Variants in CNTNAP5 observed in about 807,000 individuals in gnomAD.
The protein encoded by CNTNAP5 is contactin associated protein family member 5.
In CNTNAP5, 72 loss-of-function variants were observed where a neutral mutation model predicts 150.2. The ratio of observed to expected loss-of-function variants is 0.48; its 90% confidence interval spans 0.40 to 0.58. The LOEUF (loss-of-function observed/expected upper bound fraction) is 0.58. Among genes scored for constraint, CNTNAP5 ranks in the 20% least tolerant of loss-of-function variants. CNTNAP5 has a pLI of 0.00. For synonymous variants in CNTNAP5, 672 were observed against 619.8 expected, an observed-to-expected ratio of 1.08 and a Z score of -1.25; for missense variants, 1,636 against 1,626.2, an observed-to-expected ratio of 1.01 and a Z score of -0.10.
At chr2:124,472,940 G>A (rs965047384) in intron 6 of CNTNAP5, among the ~76,000 whole-genome samples, 3 of 151,830 alleles carry the variant, frequency 2.0e-5, no homozygotes, top group African/African-American at 7.2e-5. Context: ...ACAAAGCGAA[G>A]TACAATAAAA....
chr2:124,070,204 CAAG>C (rs1682266247), intron 1 of CNTNAP5, among the ~76,000 whole-genome samples: 3 of 151,112 alleles, frequency 2.0e-5, no homozygotes, highest in Admixed American at 2.0e-4. Context: ...ATATAAAAAG[CAAG>C]AAATTATACC....
At chr2:124,658,101 AG>A (rs1240359851) in intron 13 of CNTNAP5, among the ~76,000 whole-genome samples, 6 of 152,186 alleles carry the variant, frequency 3.9e-5, no homozygotes, top group Non-Finnish European at 1.5e-5. Context: ...GAATGAATAA[AG>A]GGTCTCTTCT....
At chr2:124,329,903 A>C (rs1689307013) in intron 3 of CNTNAP5, among the ~76,000 whole-genome samples, 1 of 152,310 alleles carries the variant, frequency 6.6e-6, no homozygotes, top group East Asian at 1.9e-4. Context: ...GAAGGCAGTC[A>C]GTTGAGAAGA....
In CNTNAP5 at chr2:124,790,092, C is replaced by T; in HGVS notation, c.2943C>T (p.Tyr981=). The stretch of plus-strand genomic sequence containing the variant: ...AGTGTGTGGAGAAGCACAATGGCTA[C>T]CTGTGTGATTGCACCAATTCACCTT... ...GGKCVEKHNG[Y]LCDCTNSPYE... The change falls in exon 18 of 24, where the codon TAC becomes TAT. Residue 981 remains tyrosine, a synonymous_variant. Transcript: ENST00000682447. 1 of 1,613,904 alleles carries T rather than the reference C, an allele frequency of 6.2e-7. No individual in the cohort carries two copies. The highest frequency in any genetic ancestry group is 1.7e-4 in the Middle Eastern group (1 of 6,060).
chr2:124,589,104 GGCTGTGCAA>G (rs1194502777), intron 11 of CNTNAP5, among the ~76,000 whole-genome samples: 2 of 152,058 alleles, frequency 1.3e-5, no homozygotes, highest in Non-Finnish European at 2.9e-5. Flanking sequence ...ATACTCACCT[GGCTGTGCAA>G]GCCTTCTTCA....
intron 1 of CNTNAP5, among the ~76,000 whole-genome samples, chr2:124,087,976 G>T (rs1019305209): frequency 6.6e-6 from 1 of 152,056 alleles, no homozygotes; most frequent in African/African-American, 2.4e-5. Context: ...CCTTGAATCT[G>T]CAGGTTTATG....
chr2:124,607,111 A>G (rs918167241), intron 11 of CNTNAP5, among the ~76,000 whole-genome samples: 2 of 152,186 alleles, frequency 1.3e-5, no homozygotes, highest in Non-Finnish European at 2.9e-5. Flanking sequence ...TTATACTTCG[A>G]GAGTTGATTA....
intron 13 of CNTNAP5, among the ~76,000 whole-genome samples, chr2:124,675,104 T>C (rs570995181): frequency 2.6e-5 from 4 of 152,288 alleles, no homozygotes; most frequent in African/African-American, 9.6e-5. Context: ...TTTTTGTGCA[T>C]ATGTCTCATT....
chr2:124,139,829 C>G (rs974955626), intron 1 of CNTNAP5, among the ~76,000 whole-genome samples: 1 of 152,164 alleles, frequency 6.6e-6, no homozygotes, highest in Non-Finnish European at 1.5e-5. Flanking sequence ...CAGCTCCCAG[C>G]GTGAGCGACG....
At chr2:124,192,067 C>G (rs1685471537) in intron 1 of CNTNAP5, among the ~76,000 whole-genome samples, 1 of 152,264 alleles carries the variant, frequency 6.6e-6, no homozygotes, top group Admixed American at 6.5e-5. Flanking sequence ...AAAATTAACT[C>G]TATTGCTTAA....
chr2:124,634,705 T>C (rs967388531), intron 12 of CNTNAP5, among the ~76,000 whole-genome samples: 2 of 152,068 alleles, frequency 1.3e-5, no homozygotes, highest in Admixed American at 1.3e-4. Context: ...AGTTTCACCA[T>C]GTTGCTCAGG....
chr2:124,171,551 T>C (rs1419533568), intron 1 of CNTNAP5, among the ~76,000 whole-genome samples: 3 of 152,152 alleles, frequency 2.0e-5, no homozygotes, highest in African/African-American at 2.4e-5. Context: ...CGAGCTGAAG[T>C]CCTTGGCGGC....
chr2:124,439,185 T>C (rs1180807790), intron 5 of CNTNAP5, among the ~76,000 whole-genome samples: 1 of 152,114 alleles, frequency 6.6e-6, no homozygotes. Context: ...GATTTTATTA[T>C]GGAGAGGGGA....
At chr2:124,348,777 C>A (rs1423381818) in intron 3 of CNTNAP5, among the ~76,000 whole-genome samples, 2 of 151,920 alleles carry the variant, frequency 1.3e-5, no homozygotes, top group Non-Finnish European at 2.9e-5. Context: ...TATTTTATGT[C>A]TCCCCAAATT....
intron 5 of CNTNAP5, 119 bp downstream of exon 5, chr2:124,434,806 T>C (rs1305635004): frequency 5.0e-6 from 4 of 807,352 alleles, no homozygotes; most frequent in Non-Finnish European, 7.9e-6. Flanking sequence ...ATATAAGTGA[T>C]ATTGGTGGGG....
At position 124,691,496 on chromosome 2, in the gene CNTNAP5, T is replaced by C. The variant is rs191954995; in HGVS notation, c.2077+43538T>C. ...TGGTCACAGGACAATGTTGGCTTTC[T>C]GAGGACTTCATTTCATTTAGGGATA... On this transcript the variant is annotated intron_variant, in intron 13 of 23. Transcript: ENST00000682447. Among the ~76,000 whole-genome samples the C allele has an allele frequency of 1.1e-3, 175 of 152,252 alleles. 1 individual carries two copies. The highest frequency in any genetic ancestry group is 3.4e-3 in the Middle Eastern group (1 of 294).
chr2:124,067,564 T>C (rs1682192540), intron 1 of CNTNAP5, among the ~76,000 whole-genome samples: 1 of 152,244 alleles, frequency 6.6e-6, no homozygotes, highest in East Asian at 1.9e-4. Context: ...CAATCGCATC[T>C]GCAAAGGTCC....
At chr2:124,183,534 G>C (rs1685257324) in intron 1 of CNTNAP5, among the ~76,000 whole-genome samples, 4 of 152,160 alleles carry the variant, frequency 2.6e-5, no homozygotes, top group African/African-American at 7.2e-5. Context: ...AGGTTGAATA[G>C]CTTCCTTTCA....
intron 3 of CNTNAP5, among the ~76,000 whole-genome samples, chr2:124,414,528 A>G (rs557297170): frequency 6.6e-6 from 1 of 152,242 alleles, no homozygotes; most frequent in African/African-American, 2.4e-5. Flanking sequence ...TAGGACTTTG[A>G]GACTGTGAGA....
Sources: gnomAD v4.1 joint callset for allele counts (sites outside exome capture counted in the v4.1 genomes callset) on GRCh38, gnomAD v4.1.1 for gene constraint, MANE v1.5 for transcripts, NCBI Gene and HGNC (gene_info 2026-07-23, HGNC 2026-07-21) for gene names.